NQO2: variants seen among roughly 807,000 people sequenced by gnomAD.
NQO2 encodes ribosyldihydronicotinamide dehydrogenase [quinone].
A neutral mutation model predicts 22.0 loss-of-function variants in NQO2; 18 were observed. That is an observed-to-expected ratio of 0.82 (90% CI 0.56 to 1.21). NQO2 has a LOEUF of 1.21. Ranked by LOEUF, NQO2 falls within the 50% of genes most tolerant of loss-of-function variation. The pLI, the probability that NQO2 is intolerant of heterozygous loss-of-function variation, is 0.00. For missense variants in NQO2, 267 were observed against 286.9 expected (o/e 0.93, Z 0.50); for synonymous variants, 106 against 110.8 (o/e 0.96, Z 0.28).
chr6:3,012,429 A>G, intron 3 of NQO2, 115 bp from the exon 4 acceptor site: 1 of 1,504,156 alleles, frequency 6.6e-7, no homozygotes, highest in East Asian at 2.3e-5. Flanking sequence ...GTCAGGTTGC[A>G]GCAAATGTCT....
In NQO2 at chr6:3,006,412, C is replaced by A; in HGVS notation, c.-85-56C>A. ...GCAGCAGTGATGCCTAGATGTGGTA[C>A]ATTCGACCTCACCTATGCCTCTCCC... On this transcript the variant is annotated intron_variant, in intron 1 of 6. Coordinates refer to ENST00000380455, the MANE Select transcript of NQO2 (RefSeq NM_000904.6). The surrounding 1 kb of genome is among the most constrained non-coding windows in gnomAD (Gnocchi z 4.0). 1 of 1,501,990 alleles carries A rather than the reference C, an allele frequency of 6.7e-7. No homozygotes were observed. The highest frequency in any genetic ancestry group is 8.9e-7 in the Non-Finnish European group (1 of 1,128,624). 93.0% of individuals were successfully genotyped at this position (1,501,990 alleles called of 1,614,324 possible).
At chr6:3,015,227 T>C (rs888513035) in intron 4 of NQO2, 147 of 1,387,902 alleles carry the variant, frequency 1.1e-4, no homozygotes, top group Non-Finnish European at 1.3e-4. Flanking sequence ...AGACTGCTGC[T>C]CCAAAGCTGG....
At chr6:3,018,781 G>A (rs893411362) in intron 6 of NQO2, among the ~76,000 whole-genome samples, 9 of 151,448 alleles carry the variant, frequency 5.9e-5, no homozygotes, top group Admixed American at 2.6e-4. Flanking sequence ...AGGCCAACTG[G>A]TCTCTTATGT....
intron 1 of NQO2, among the ~76,000 whole-genome samples, chr6:3,002,806 T>C (rs1264659496): frequency 6.6e-6 from 1 of 151,626 alleles, no homozygotes; most frequent in Non-Finnish European, 1.5e-5. Context: ...TTTTACTTTC[T>C]CTTTTTTCTT....
chr6:3,019,311 G>T, intron 6 of NQO2, 168 bp from the exon 7 acceptor site: 6 of 977,126 alleles, frequency 6.1e-6, no homozygotes, highest in Non-Finnish European at 7.3e-6. Context: ...GCAAGGCTGT[G>T]TCCTAAAGCC....
At chr6:3,012,259 T>C (rs1383904732) in intron 3 of NQO2, 1 of 392,104 alleles carries the variant, frequency 2.6e-6, no homozygotes, top group Non-Finnish European at 3.5e-6. Context: ...TGGGTGTCAG[T>C]TTGCTCTCTG....
At position 3,016,601 on chromosome 6, in the gene NQO2, C is replaced by T. The variant is rs151293739; in HGVS notation, c.418-283C>T. ...GAACCTTGTCCTGTGGTCAGTGCCT[C>T]GGCCGTATCCATCACACATGGTGTC... On this transcript the variant is annotated intron_variant, in intron 5 of 6. Transcript: ENST00000380455. 23 of 218,566 alleles carry T rather than the reference C, an allele frequency of 1.1e-4. No individual in the cohort carries two copies. In the East Asian group the frequency reaches 3.8e-3, roughly 37 times the overall value. 13.5% of individuals were successfully genotyped at this position (218,566 alleles called of 1,614,324 possible). A position where few individuals can be genotyped will look rare whatever the true frequency, so the allele number is the denominator to read the frequency against.
In NQO2 at chr6:3,006,306, C is replaced by T; in HGVS notation, c.-85-162C>T. 3.0e-6 allele frequency: 3 copies of T among 984,578 alleles called. No individual in the cohort carries two copies. The highest frequency in any genetic ancestry group is 4.7e-5 in the South Asian group (1 of 21,264). 61.0% of individuals were successfully genotyped at this position (984,578 alleles called of 1,614,324 possible). A position where few individuals can be genotyped will look rare whatever the true frequency, so the allele number is the denominator to read the frequency against. The stretch of plus-strand genomic sequence containing the variant: ...GGTTTTGACATCCTGCGTGGCTTGT[C>T]CTCTGAGGCCTAAATCTCCAGAAGA... On this transcript the variant is annotated intron_variant, in intron 1 of 6. Transcript: ENST00000380455. The surrounding 1 kb of genome is among the most constrained non-coding windows in gnomAD (Gnocchi z 4.0).
At chr6:3,001,343 G>A (rs1304817444) in intron 1 of NQO2, among the ~76,000 whole-genome samples, 8 of 152,046 alleles carry the variant, frequency 5.3e-5, no homozygotes, top group African/African-American at 1.9e-4. Flanking sequence ...CGCCTGCCTC[G>A]GCCTCCCAGA....
At chr6:3,012,873 A>ACC (rs1757185611) in intron 4 of NQO2, among the ~76,000 whole-genome samples, 199 bp downstream of exon 4, 4 of 150,428 alleles carry the variant, frequency 2.7e-5, no homozygotes, top group Non-Finnish European at 5.9e-5. Context: ...ACCTAGTTAC[A>ACC]ACACTTCACC....
intron 3 of NQO2, among the ~76,000 whole-genome samples, chr6:3,011,632 C>CT (rs1488707083): frequency 2.0e-5 from 3 of 152,114 alleles, no homozygotes; most frequent in Non-Finnish European, 4.4e-5. Context: ...TCAAATAGGA[C>CT]TACCCCAAGG....
intron 4 of NQO2, among the ~76,000 whole-genome samples, chr6:3,014,747 T>C (rs954676414): frequency 6.6e-6 from 1 of 152,222 alleles, no homozygotes; most frequent in Non-Finnish European, 1.5e-5. Flanking sequence ...TCACTGAGCA[T>C]TGATTCTGTT....
At chr6:3,011,761 A>T (rs1294001610) in intron 3 of NQO2, among the ~76,000 whole-genome samples, 2 of 152,246 alleles carry the variant, frequency 1.3e-5, no homozygotes. Flanking sequence ...CATATAGGCC[A>T]GGAGGTAGTG....
At chr6:3,014,877 G>C (rs532317181) in intron 4 of NQO2, among the ~76,000 whole-genome samples, 2 of 152,310 alleles carry the variant, frequency 1.3e-5, no homozygotes, top group Admixed American at 6.5e-5. Context: ...ACTTGCCAAT[G>C]TCACACAGCA....
Position 3,014,497 on chromosome 6 carries a change from T to C in NQO2, c.304-1033T>C, listed in dbSNP as rs371162462. On this transcript the variant is annotated intron_variant, in intron 4 of 6. Coordinates refer to ENST00000380455, the MANE Select transcript of NQO2 (RefSeq NM_000904.6). ...GTCCCCCTTGGGTCGGCCGGCCACGTGGAGCCCGCTTTCCTCCTCGCACCC... is the reference window on the plus strand; with the variant it reads ...GTCCCCCTTGGGTCGGCCGGCCACGCGGAGCCCGCTTTCCTCCTCGCACCC... Among the ~76,000 whole-genome samples the C allele has an allele frequency of 2.0e-5, 3 of 152,278 alleles. No homozygotes were observed. In the East Asian group the frequency reaches 5.8e-4, roughly 29 times the overall value.
intron 2 of NQO2, among the ~76,000 whole-genome samples, chr6:3,008,710 G>A (rs774150829): frequency 9.9e-5 from 15 of 152,188 alleles, no homozygotes; most frequent in South Asian, 2.1e-4. Context: ...CCTAAGTGTC[G>A]GCCGGTCTGA....
chr6:3,001,256 A>G (rs1271514193), intron 1 of NQO2, among the ~76,000 whole-genome samples: 4 of 151,794 alleles, frequency 2.6e-5, no homozygotes, highest in Non-Finnish European at 5.9e-5. Context: ...CACCCAGCTA[A>G]TTTTTGGTAT....
At position 3,004,920 on chromosome 6, in the gene NQO2, G is replaced by A. The variant is rs28383606; in HGVS notation, c.-85-1548G>A. On this transcript the variant is annotated intron_variant, in intron 1 of 6. Coordinates refer to ENST00000380455, the MANE Select transcript of NQO2 (RefSeq NM_000904.6). ...GAGTCTCGCTCTGTCTCAGCCTCCC[G>A]AGTAGCTGGGATTACAGGTGCACAC... Among the ~76,000 whole-genome samples, 1,428 of 151,860 alleles carry A rather than the reference G, an allele frequency of 9.4e-3. 23 individuals are homozygous for A. Among genetic ancestry groups the A allele is most frequent in the African/African-American group, 0.033 (1,369 of 41,402 alleles).
chr6:3,009,962 C>G (rs1757088005), intron 2 of NQO2, 63 bp from the exon 3 acceptor site: 1 of 1,531,472 alleles, frequency 6.5e-7, no homozygotes, highest in Non-Finnish European at 8.8e-7. Flanking sequence ...TCATCTTAGT[C>G]TTCATTGAAT....
Sources: allele counts gnomAD v4.1 joint callset (sites outside exome capture counted in the v4.1 genomes callset), GRCh38; gene constraint gnomAD v4.1.1; non-coding constraint Gnocchi (gnomAD v3.1); transcripts MANE v1.5; gene names NCBI Gene and HGNC (gene_info 2026-07-23, HGNC 2026-07-21).